FAM171A1: variants seen among roughly 807,000 people sequenced by gnomAD.
FAM171A1 encodes the protein family with sequence similarity 171 member A1.
FAM171A1 carries 23 observed loss-of-function variants against 74.9 expected under a neutral mutation model. That is an observed-to-expected ratio of 0.31 (90% CI 0.22 to 0.44). FAM171A1 has a LOEUF of 0.44. Among genes scored for constraint, FAM171A1 ranks in the 20% least tolerant of loss-of-function variants. The pLI, the probability that FAM171A1 is intolerant of heterozygous loss-of-function variation, is 1.00. For synonymous variants in FAM171A1, 527 were observed against 505.7 expected (o/e 1.04, Z -0.57); for missense variants, 1,162 against 1,159.2 (o/e 1.00, Z -0.03).
intron 1 of FAM171A1, among the ~76,000 whole-genome samples, chr10:15,290,258 A>C (rs1449520893): frequency 2.2e-4 from 33 of 148,818 alleles, no homozygotes; most frequent in South Asian, 2.1e-4. Context: ...GATCCATCCC[A>C]GAAGCCTCCT....
chr10:15,252,390 C>T (rs930198981), intron 4 of FAM171A1, among the ~76,000 whole-genome samples: 5 of 152,164 alleles, frequency 3.3e-5, no homozygotes, highest in Admixed American at 1.3e-4. Context: ...CTGGTTATGA[C>T]GCTAGTCATT....
At chr10:15,253,874 C>G (rs998140465) in intron 4 of FAM171A1, among the ~76,000 whole-genome samples, 1 of 152,156 alleles carries the variant, frequency 6.6e-6, no homozygotes, top group Non-Finnish European at 1.5e-5. Flanking sequence ...GCAAAGGGGT[C>G]CAGAGAATGG....
At chr10:15,243,832 T>C (rs1016437693) in intron 5 of FAM171A1, among the ~76,000 whole-genome samples, 30 of 150,122 alleles carry the variant, frequency 2.0e-4, no homozygotes, top group South Asian at 1.3e-3. Flanking sequence ...CCGCAAGCTC[T>C]GCCTCCCGGG....
intron 1 of FAM171A1, among the ~76,000 whole-genome samples, chr10:15,317,043 G>A (rs992602223): frequency 6.6e-6 from 1 of 150,878 alleles, no homozygotes; most frequent in Non-Finnish European, 1.5e-5. Context: ...GATCTCCTCT[G>A]GGAGAAAAAA....
At chr10:15,293,652 A>T (rs796515606) in intron 1 of FAM171A1, among the ~76,000 whole-genome samples, 21 of 151,974 alleles carry the variant, frequency 1.4e-4, no homozygotes, top group African/African-American at 4.8e-4. Context: ...ATGCATTCAT[A>T]GAGGTGGGGG....
intron 7 of FAM171A1, 142 bp from the exon 8 acceptor site, chr10:15,214,743 C>T (rs1464683452): frequency 9.2e-7 from 1 of 1,081,336 alleles, no homozygotes; most frequent in African/African-American, 1.6e-5. Context: ...AAAGCCTTCT[C>T]ACCCCACGCC....
At chr10:15,293,555 A>AT (rs199551143) in intron 1 of FAM171A1, among the ~76,000 whole-genome samples, 5 of 52,096 alleles carry the variant, frequency 9.6e-5, no homozygotes, top group Admixed American at 5.1e-4. Context: ...TGTAAAAAAA[A>AT]AATATATATA....
chr10:15,342,159 A>G (rs2131870913), intron 1 of FAM171A1, among the ~76,000 whole-genome samples: 1 of 152,346 alleles, frequency 6.6e-6, no homozygotes, highest in South Asian at 2.1e-4. Flanking sequence ...CCATCCTGAG[A>G]GTCGTTTCTC....
intron 3 of FAM171A1, among the ~76,000 whole-genome samples, chr10:15,256,613 A>G (rs1834583673): frequency 6.6e-6 from 1 of 152,190 alleles, no homozygotes; most frequent in Non-Finnish European, 1.5e-5. Flanking sequence ...CTTCATCCCT[A>G]AAACAAACCC....
chr10:15,214,651 G>A (rs1302526213), intron 7 of FAM171A1, 50 bp from the exon 8 acceptor site: 1 of 1,496,972 alleles, frequency 6.7e-7, no homozygotes. Flanking sequence ...TTCTCACAAT[G>A]AAAAAGTTTC....
intron 6 of FAM171A1, among the ~76,000 whole-genome samples, chr10:15,217,895 T>C (rs1318475653): frequency 6.6e-6 from 1 of 152,092 alleles, no homozygotes; most frequent in Non-Finnish European, 1.5e-5. Context: ...CCTCCTAAAG[T>C]GCTGGGATTA....
At chr10:15,309,269 C>T (rs12354686) in intron 1 of FAM171A1, among the ~76,000 whole-genome samples, 10,141 of 152,278 alleles carry the variant, frequency 0.067, 382 homozygotes, top group Middle Eastern at 0.088. Context: ...AGTGCAGGGG[C>T]ACGATCATGG....
chr10:15,348,489 G>A lies in FAM171A1; in HGVS notation c.97+22467C>T, dbSNP rs556016996. ...GTTAAAAGTCTAAGGGAAAAGGAGT[G>A]GCTTGTTTACCTGTAGGCAGAACTG... On this transcript the variant is annotated intron_variant, in intron 1 of 7. Coordinates refer to ENST00000378116, the MANE Select transcript of FAM171A1 (RefSeq NM_001010924.2). Among the ~76,000 whole-genome samples, 9 of 152,296 alleles carry A rather than the reference G, an allele frequency of 5.9e-5. No individual in the cohort carries two copies. In the East Asian group the frequency reaches 1.7e-3, roughly 29 times the overall value.
chr10:15,266,990 A>G lies in FAM171A1; in HGVS notation c.418+8865T>C, dbSNP rs186699035. Among the ~76,000 whole-genome samples, 219 of 152,288 alleles carry G rather than the reference A, an allele frequency of 1.4e-3. 1 individual carries two copies. Among genetic ancestry groups the G allele is most frequent in the African/African-American group, 4.2e-3 (175 of 41,568 alleles). On this transcript the variant is annotated intron_variant, in intron 3 of 7. Transcript: ENST00000378116. ...AGGCGAGCCAGGAAGGGACAGAAAG[A>G]ACTGGAGCTCCACCTCAGGTAGACC...
chr10:15,338,330 T>A (rs1186359069), intron 1 of FAM171A1, among the ~76,000 whole-genome samples: 2 of 152,162 alleles, frequency 1.3e-5, no homozygotes, highest in Non-Finnish European at 2.9e-5. Context: ...CCCAACAGTA[T>A]AAAAATAAAC....
intron 1 of FAM171A1, among the ~76,000 whole-genome samples, chr10:15,306,033 T>G (rs903853753): frequency 1.1e-4 from 17 of 152,138 alleles, no homozygotes; most frequent in Admixed American, 1.0e-3. Flanking sequence ...GACAAGATCA[T>G]GCAAAGGAAT....
At chr10:15,228,806 G>A (rs1564616253) in intron 5 of FAM171A1, among the ~76,000 whole-genome samples, 1 of 152,216 alleles carries the variant, frequency 6.6e-6, no homozygotes, top group African/African-American at 2.4e-5. Context: ...TCCTAGTCGT[G>A]TGCGCTGAGG....
chr10:15,235,217 G>A (rs1399019968), intron 5 of FAM171A1, among the ~76,000 whole-genome samples: 3 of 144,578 alleles, frequency 2.1e-5, no homozygotes, highest in East Asian at 2.1e-4. Context: ...CAGGAGAATC[G>A]CTTGAACCTG....
chr10:15,257,136 G>C (rs1834590606), intron 3 of FAM171A1, among the ~76,000 whole-genome samples: 1 of 152,168 alleles, frequency 6.6e-6, no homozygotes, highest in African/African-American at 2.4e-5. Flanking sequence ...ACATGTGATG[G>C]AGCAAAGAGG....
Sources: allele counts gnomAD v4.1 joint callset (sites outside exome capture counted in the v4.1 genomes callset), GRCh38; gene constraint gnomAD v4.1.1; transcripts MANE v1.5; gene names NCBI Gene and HGNC (gene_info 2026-07-23, HGNC 2026-07-21).